EGFLAM: variants seen among roughly 807,000 people sequenced by gnomAD.
EGFLAM encodes pikachurin.
In EGFLAM, 79 loss-of-function variants were observed where a neutral mutation model predicts 113.1. The ratio of observed to expected loss-of-function variants is 0.70; its 90% CI spans 0.58 to 0.84. The LOEUF (loss-of-function observed/expected upper bound fraction) is 0.84, where lower values mean the gene tolerates loss of function less well. Among genes scored for constraint, EGFLAM ranks in the 40% least tolerant of loss-of-function variants. The probability of loss-of-function intolerance (pLI) is 0.00; values close to 1 mark genes in which losing one functional copy is unlikely to be tolerated. For synonymous variants in EGFLAM, 504 were observed against 487.6 expected (o/e 1.03, Z -0.44); for missense variants, 1,265 against 1,291.6 (o/e 0.98, Z 0.32).
At chr5:38,290,338 G>C (rs1758290345) in intron 1 of EGFLAM, among the ~76,000 whole-genome samples, 1 of 152,144 alleles carries the variant, frequency 6.6e-6, no homozygotes, top group South Asian at 2.1e-4. Flanking sequence ...AAGTCCACCT[G>C]CCCTGCCACA....
chr5:38,421,913 T>C (rs919859629), intron 12 of EGFLAM, among the ~76,000 whole-genome samples: 2 of 152,126 alleles, frequency 1.3e-5, no homozygotes, highest in Non-Finnish European at 2.9e-5. Flanking sequence ...GAAGATCTTC[T>C]GACAGCTCAT....
intron 9 of EGFLAM, 126 bp downstream of exon 9, chr5:38,408,031 G>C: frequency 1.5e-6 from 1 of 668,394 alleles, no homozygotes; most frequent in Non-Finnish European, 2.6e-6. Flanking sequence ...ATATGACACA[G>C]AGCCTGTCTC....
At chr5:38,289,565 A>G (rs554733238) in intron 1 of EGFLAM, among the ~76,000 whole-genome samples, 1 of 152,318 alleles carries the variant, frequency 6.6e-6, no homozygotes, top group East Asian at 1.9e-4. Flanking sequence ...ATAGAGGAGG[A>G]AAGTGGACAG....
rs143722884 is a variant in EGFLAM at position 38,412,476 on chromosome 5, ATCT to A, written c.1350-23_1350-21del. The A allele has an allele frequency of 5.6e-4, 896 of 1,614,014 alleles. 4 individuals carry two copies. In the African/African-American group the frequency reaches 9.7e-3, roughly 17 times the overall value. ...ACATAATGGCCTGGTTCGTCAAGAA[ATCT>A]TCTTTTCCTTTTCCTCCCCAACAGG... On this transcript the variant is annotated intron_variant, in intron 10 of 21. Transcript: ENST00000322350.
chr5:38,368,842 TAGTTCCCTTCTCTGTCAA>T (rs1279826135), intron 5 of EGFLAM, among the ~76,000 whole-genome samples: 2 of 152,122 alleles, frequency 1.3e-5, no homozygotes, highest in African/African-American at 4.8e-5. Context: ...TTCAGTGCCT[TAGTTCCCTTCTCTGTCAA>T]AGAAAAAAAA....
intron 1 of EGFLAM, among the ~76,000 whole-genome samples, chr5:38,305,004 T>A (rs1021804856): frequency 6.6e-6 from 1 of 151,884 alleles, no homozygotes; most frequent in Non-Finnish European, 1.5e-5. Context: ...TTTGGAGAAA[T>A]CTTTTGGAAA....
At chr5:38,288,621 C>A (rs141374509) in intron 1 of EGFLAM, among the ~76,000 whole-genome samples, 1 of 150,124 alleles carries the variant, frequency 6.7e-6, no homozygotes, top group Admixed American at 6.6e-5. Flanking sequence ...AGGTCTCTTA[C>A]CAATTATTGG....
chr5:38,425,701 T>G lies in EGFLAM; in HGVS notation c.1810+609T>G, dbSNP rs117014755. Among the ~76,000 whole-genome samples the G allele has an allele frequency of 9.1e-4, 138 of 152,306 alleles. 3 individuals are homozygous for G. In the East Asian group the frequency reaches 0.025, roughly 27 times the overall value. Reference sequence around the variant, plus strand: ...TATGTTCATTTCAAGATGCTAAGAATCAGTGGGCTCCTCTTGGCCCTTGAA... The same window carrying G: ...TATGTTCATTTCAAGATGCTAAGAAGCAGTGGGCTCCTCTTGGCCCTTGAA... On this transcript the variant is annotated intron_variant, in intron 13 of 21. Transcript: ENST00000322350.
At chr5:38,263,424 T>A in intron 1 of EGFLAM, among the ~76,000 whole-genome samples, 1 of 152,120 alleles carries the variant, frequency 6.6e-6, no homozygotes, top group Non-Finnish European at 1.5e-5. Context: ...ATCGCACCAC[T>A]GCACTCCACC....
At chr5:38,458,552 G>A (rs367651564) in intron 20 of EGFLAM, among the ~76,000 whole-genome samples, 158 bp downstream of exon 20, 15 of 152,246 alleles carry the variant, frequency 9.9e-5, no homozygotes, top group African/African-American at 3.6e-4. Context: ...ACCAATTCCC[G>A]CTGTGCCCTA....
chr5:38,337,376 G>A, intron 1 of EGFLAM, 144 bp from the exon 2 acceptor site: 1 of 748,536 alleles, frequency 1.3e-6, no homozygotes, highest in Admixed American at 2.9e-5. Flanking sequence ...GATAGGTGTG[G>A]TGTATCAGAA....
At chr5:38,388,512 G>A (rs1014876575) in intron 6 of EGFLAM, among the ~76,000 whole-genome samples, 2 of 152,042 alleles carry the variant, frequency 1.3e-5, no homozygotes, top group African/African-American at 2.4e-5. Context: ...GGAAGGCCAA[G>A]GCAGGTGGAT....
intron 1 of EGFLAM, among the ~76,000 whole-genome samples, chr5:38,297,590 TA>T (rs1758477494): frequency 6.6e-6 from 1 of 152,194 alleles, no homozygotes; most frequent in Non-Finnish European, 1.5e-5. Context: ...ATATGAAGAC[TA>T]AATCACATCT....
At chr5:38,269,983 A>T (rs1757728572) in intron 1 of EGFLAM, among the ~76,000 whole-genome samples, 1 of 152,214 alleles carries the variant, frequency 6.6e-6, no homozygotes, top group Non-Finnish European at 1.5e-5. Context: ...GGATAAGAGC[A>T]TGATCATTGC....
At position 38,383,902 on chromosome 5, in the gene EGFLAM, C is replaced by T. The variant is rs117848403; in HGVS notation, c.712+13440C>T. 5.8e-4 allele frequency among the ~76,000 whole-genome samples: 88 copies of T among 151,948 alleles called. 1 individual carries two copies. In the East Asian group the frequency reaches 0.016, roughly 27 times the overall value. ...CTGGAAGCTCACAGAAAGAGGCCCA[C>T]GTGGTGGGAATGTGGTGAGTGAGAA... On this transcript the variant is annotated intron_variant, in intron 6 of 21. Transcript: ENST00000322350.
At chr5:38,405,450 CA>C (rs1281660431) in intron 6 of EGFLAM, among the ~76,000 whole-genome samples, 1 of 152,054 alleles carries the variant, frequency 6.6e-6, no homozygotes, top group Non-Finnish European at 1.5e-5. Context: ...CATTCTTTTG[CA>C]ACTTGCATTT....
intron 6 of EGFLAM, among the ~76,000 whole-genome samples, chr5:38,381,761 C>T (rs1197014675): frequency 1.3e-5 from 2 of 152,114 alleles, no homozygotes; most frequent in African/African-American, 2.4e-5. Context: ...ATGGGCAGCA[C>T]ACAAGTGGAA....
intron 1 of EGFLAM, among the ~76,000 whole-genome samples, chr5:38,297,394 AG>A (rs1758473407): frequency 6.6e-6 from 1 of 152,222 alleles, no homozygotes; most frequent in Non-Finnish European, 1.5e-5. Context: ...GGCCAAATAA[AG>A]GCCATTGTTT....
chr5:38,370,170 A>C (rs1467325772), intron 5 of EGFLAM, 126 bp from the exon 6 acceptor site: 2 of 951,386 alleles, frequency 2.1e-6, no homozygotes, highest in African/African-American at 3.3e-5. Flanking sequence ...CAGATAGGAA[A>C]TGTTAACTTA....
Sources: gnomAD v4.1 joint callset for allele counts (sites outside exome capture counted in the v4.1 genomes callset) on GRCh38, gnomAD v4.1.1 for gene constraint, MANE v1.5 for transcripts, NCBI Gene and HGNC (gene_info 2026-07-23, HGNC 2026-07-21) for gene names.